Variants in KIF4A observed in about 807,000 individuals in gnomAD.
The protein encoded by KIF4A is kinesin family member 4A.
A neutral mutation model predicts 105.9 loss-of-function variants in KIF4A; 7 were observed. The observed-to-expected ratio is 0.07, with a 90% CI of 0.04 to 0.12. KIF4A has a LOEUF of 0.12. Ranked by LOEUF, KIF4A falls within the 10% of genes least tolerant of loss-of-function variation. The probability of loss-of-function intolerance (pLI) is 1.00; values close to 1 mark genes in which losing one functional copy is unlikely to be tolerated. For missense variants in KIF4A, 558 were observed against 929.2 expected (o/e 0.60, Z 5.19); for synonymous variants, 281 against 331.3 (o/e 0.85, Z 1.65).
In KIF4A at chrX:70,371,964, C is replaced by T. The variant is rs770399447; in HGVS notation, c.1675-2187C>T. 5.3e-3 allele frequency among the ~76,000 whole-genome samples: 571 copies of T among 107,655 alleles called. 6 individuals are homozygous for T. The highest frequency in any genetic ancestry group is 0.018 in the African/African-American group (519 of 29,474). 93.5% of individuals were successfully genotyped at this position (107,655 alleles called of 115,157 possible). On this transcript the variant is annotated intron_variant, in intron 15 of 30. Coordinates refer to ENST00000374403, the MANE Select transcript of KIF4A (RefSeq NM_012310.5). ...GCAGAGACGCTCCTCACCTCCCAGA[C>T]GGGGTCACGGCCGGGTAGAGGCGCT...
At chrX:70,360,908 G>A (rs1314301469) in intron 15 of KIF4A, among the ~76,000 whole-genome samples, 2 of 112,969 alleles carry the variant, frequency 1.8e-5, no homozygotes, top group African/African-American at 3.2e-5. Context: ...AATGGAGGCC[G>A]AGTCCAGAAA....
intron 15 of KIF4A, among the ~76,000 whole-genome samples, chrX:70,365,334 A>G (rs2086097092): frequency 9.0e-6 from 1 of 111,439 alleles, no homozygotes. Context: ...TTTCAAAGGG[A>G]ATGCTTCCAG....
intron 13 of KIF4A, among the ~76,000 whole-genome samples, chrX:70,349,473 G>T (rs1246746559): frequency 1.4e-4 from 14 of 101,154 alleles, no homozygotes; most frequent in South Asian, 5.1e-4. Flanking sequence ...CGGCCGGGCA[G>T]AGACGCTCCT....
chrX:70,360,543 C>T (rs939157419), intron 15 of KIF4A, among the ~76,000 whole-genome samples: 13 of 113,366 alleles, frequency 1.1e-4, no homozygotes, highest in Non-Finnish European at 1.9e-4. Flanking sequence ...GTAGTCGTCA[C>T]TCAGCCACGT....
Position 70,404,820 on chromosome X carries a change from C to T in KIF4A, c.2896C>T (p.Gln966Ter). The T allele has an allele frequency of 8.6e-7, 1 of 1,156,511 alleles. No individual in the cohort carries two copies. The highest frequency in any genetic ancestry group is 1.2e-6 in the Non-Finnish European group (1 of 848,899). ...EQQLLSTLKC[Q>*]DEELEKMREV... is the part of the protein sequence containing the mutation. ...GCAGCTGCTGAGCACACTGAAGTGT[C>T]AGGTATGATCACGAGAGGTCTCCAG... is the stretch of plus-strand genomic sequence containing the variant. The change falls in exon 25 of 31, where the codon CAG (glutamine) becomes TAG (stop). Residue 966 changes from glutamine (Q) to a stop codon, truncating the protein, a stop_gained and splice_region_variant. Coordinates refer to ENST00000374403, the MANE Select transcript of KIF4A (RefSeq NM_012310.5). LOFTEE classifies it high-confidence loss of function.
At chrX:70,343,682 T>A in intron 11 of KIF4A, 21 bp from the exon 12 acceptor site, 1 of 1,205,302 alleles carries the variant, frequency 8.3e-7, no homozygotes, top group African/African-American at 1.7e-5. Flanking sequence ...CCACTGATGA[T>A]CTCCTGGGTC....
At chrX:70,374,506 G>A (rs969021164) in intron 16 of KIF4A, among the ~76,000 whole-genome samples, 7 of 111,959 alleles carry the variant, frequency 6.3e-5, no homozygotes, top group Non-Finnish European at 1.1e-4. Context: ...ATTGTGTTAA[G>A]AGTTCAGAGG....
chrX:70,290,663 C>G, intron 2 of KIF4A, 28 bp from the exon 3 acceptor site: 1 of 1,203,516 alleles, frequency 8.3e-7, no homozygotes, highest in Non-Finnish European at 1.1e-6. Flanking sequence ...CATTTTTAAC[C>G]TTACGCCTTG....
intron 15 of KIF4A, among the ~76,000 whole-genome samples, chrX:70,367,281 G>A (rs1307739873): frequency 1.8e-5 from 2 of 111,503 alleles, no homozygotes; most frequent in Non-Finnish European, 3.8e-5. Flanking sequence ...GTGTGAATTT[G>A]ATCCTGTCAT....
intron 27 of KIF4A, 24 bp downstream of exon 27, chrX:70,406,378 A>G: frequency 8.9e-7 from 1 of 1,125,081 alleles, no homozygotes; most frequent in Non-Finnish European, 1.2e-6. Flanking sequence ...TGCCTGTGAT[A>G]CCTTTGCACA....
intron 7 of KIF4A, among the ~76,000 whole-genome samples, chrX:70,317,185 T>A (rs1254182763): frequency 1.8e-5 from 2 of 111,910 alleles, no homozygotes; most frequent in Non-Finnish European, 3.8e-5. Flanking sequence ...CTTGTACAGG[T>A]ATTTTGGTGA....
intron 7 of KIF4A, among the ~76,000 whole-genome samples, chrX:70,323,584 CATTT>C: frequency 1.8e-5 from 2 of 111,379 alleles, no homozygotes; most frequent in East Asian, 5.6e-4. Context: ...TTTTCTCTAA[CATTT>C]ATTGATAAAA....
chrX:70,301,109 T>C lies in KIF4A; in HGVS notation c.517-791T>C, dbSNP rs188767361. 2.7e-5 allele frequency among the ~76,000 whole-genome samples: 3 copies of C among 111,061 alleles called. No individual in the cohort carries two copies. In the East Asian group the frequency reaches 8.5e-4, roughly 32 times the overall value. ...TGGGAGAAGTTGAAGGTGATGTGAG[T>C]TTTTGAGAATATGAGACAAGATTAA... On this transcript the variant is annotated intron_variant, in intron 5 of 30. Coordinates refer to ENST00000374403, the MANE Select transcript of KIF4A (RefSeq NM_012310.5).
chrX:70,394,113 G>A (rs1383741450), intron 20 of KIF4A, among the ~76,000 whole-genome samples: 1 of 108,398 alleles, frequency 9.2e-6, no homozygotes, highest in Non-Finnish European at 1.9e-5. Flanking sequence ...TGATCCACCT[G>A]CCTCAGCCTC....
At chrX:70,358,933 T>C (rs2086062695) in intron 15 of KIF4A, among the ~76,000 whole-genome samples, 1 of 112,443 alleles carries the variant, frequency 8.9e-6, no homozygotes, top group Admixed American at 9.4e-5. Context: ...ATTTAATCCC[T>C]GTCAGCAGTA....
At chrX:70,290,662 C>T (rs772652470) in intron 2 of KIF4A, 29 bp from the exon 3 acceptor site, 4 of 1,202,161 alleles carry the variant, frequency 3.3e-6, no homozygotes, top group Admixed American at 4.4e-5. Context: ...TCATTTTTAA[C>T]CTTACGCCTT....
At chrX:70,307,279 T>G in intron 7 of KIF4A, among the ~76,000 whole-genome samples, 1 of 111,937 alleles carries the variant, frequency 8.9e-6, no homozygotes, top group Middle Eastern at 4.6e-3. Flanking sequence ...TTAATTTCAT[T>G]TTCAATTTGT....
At chrX:70,344,280 C>G (rs2085983521) in intron 13 of KIF4A, among the ~76,000 whole-genome samples, 1 of 112,298 alleles carries the variant, frequency 8.9e-6, no homozygotes. Context: ...GCTGTCCTCA[C>G]AGTGTAGGCT....
intron 15 of KIF4A, among the ~76,000 whole-genome samples, chrX:70,359,424 T>C (rs2086064745): frequency 9.2e-6 from 1 of 108,287 alleles, no homozygotes; most frequent in Non-Finnish European, 1.9e-5. Context: ...ACTGTATTTC[T>C]TTCTTTCTTT....
Sources: allele counts gnomAD v4.1 joint callset (sites outside exome capture counted in the v4.1 genomes callset), GRCh38; gene constraint gnomAD v4.1.1; transcripts MANE v1.5; gene names NCBI Gene and HGNC (gene_info 2026-07-23, HGNC 2026-07-21).